Variants in ABCA1 observed in about 807,000 individuals in gnomAD.
The protein encoded by ABCA1 is ATP binding cassette subfamily A member 1, also known as phospholipid-transporting ATPase ABCA1.
In ABCA1, 133 loss-of-function variants were observed where a neutral mutation model predicts 262.5. The ratio of observed to expected loss-of-function variants is 0.51; its 90% CI spans 0.44 to 0.59. The LOEUF (loss-of-function observed/expected upper bound fraction) is 0.59, where lower values mean the gene tolerates loss of function less well. Among genes scored for constraint, ABCA1 ranks in the 20% least tolerant of loss-of-function variants. The pLI is 0.00. For missense variants in ABCA1, 2,452 were observed against 2,777.5 expected (o/e 0.88, Z 2.63); for synonymous variants, 1,022 against 1,043.5 (o/e 0.98, Z 0.40).
intron 2 of ABCA1, among the ~76,000 whole-genome samples, chr9:104,891,131 T>G (rs1839702396): frequency 6.6e-6 from 1 of 152,248 alleles, no homozygotes; most frequent in South Asian, 2.1e-4. Context: ...ATTGAACCTT[T>G]CTGCTAGGTG....
At chr9:104,862,669 C>CAGGGCAGGGCAGGGCA (rs1836651225) in intron 5 of ABCA1, among the ~76,000 whole-genome samples, 5 of 9,812 alleles carry the variant, frequency 5.1e-4, no homozygotes, top group African/African-American at 2.0e-3. Context: ...CGGGCCGGGC[C>CAGGGCAGGGCAGGGCA]GGGCCGGGCC....
chr9:104,924,033 C>A (rs1192833366), intron 1 of ABCA1, among the ~76,000 whole-genome samples: 1 of 152,128 alleles, frequency 6.6e-6, no homozygotes, highest in Non-Finnish European at 1.5e-5. Flanking sequence ...CAGAGCAAGA[C>A]CCTATCTCAA....
chr9:104,823,788 A>C (rs971715839), intron 18 of ABCA1, among the ~76,000 whole-genome samples: 1 of 152,166 alleles, frequency 6.6e-6, no homozygotes, highest in Admixed American at 6.5e-5. Flanking sequence ...AGGTGTAAAG[A>C]GGAGGTAGGA....
intron 6 of ABCA1, among the ~76,000 whole-genome samples, chr9:104,861,096 C>G (rs1275755268): frequency 6.6e-6 from 1 of 152,084 alleles, no homozygotes; most frequent in Non-Finnish European, 1.5e-5. Context: ...TGACACTAGT[C>G]CGTTCATTTC....
intron 20 of ABCA1, 96 bp downstream of exon 20, chr9:104,821,268 AAACAAAAACAC>A: frequency 6.7e-7 from 1 of 1,496,732 alleles, no homozygotes; most frequent in Non-Finnish European, 9.0e-7. Flanking sequence ...AAAAAAGAAA[AAACAAAAACAC>A]AGCAAAGTAA....
Position 104,798,429 on chromosome 9 carries a change from A to T in ABCA1, c.5113T>A (p.Trp1705Arg), listed in dbSNP as rs1447234040. 6.2e-7 allele frequency: 1 copy of T among 1,614,188 alleles called. No homozygotes were observed. The change falls in exon 37 of 50, where the codon TGG (tryptophan) becomes AGG (arginine). Residue 1705 changes from tryptophan to arginine, a missense_variant. Physicochemically the swap from Trp to Arg is moderately radical, Grantham distance 101. Transcript: ENST00000374736. ...PVIYWLSNFV[W>R]DMCNYVVPAT... ...CAGGCCTGTGTCCTTACCATATCCCAGACAAAATTAGAGAGCCAGTAGATG... is the reference window on the plus strand; with the variant it reads ...CAGGCCTGTGTCCTTACCATATCCCTGACAAAATTAGAGAGCCAGTAGATG...
intron 11 of ABCA1, among the ~76,000 whole-genome samples, 167 bp from the exon 12 acceptor site, chr9:104,832,938 G>GA (rs200661885): frequency 8.6e-5 from 13 of 150,516 alleles, no homozygotes; most frequent in East Asian, 3.9e-4. Context: ...TGAGGCTGAA[G>GA]AAAAAAAAAC....
intron 7 of ABCA1, chr9:104,855,657 T>A: frequency 6.8e-7 from 1 of 1,463,522 alleles, no homozygotes; most frequent in Non-Finnish European, 9.0e-7. Flanking sequence ...CAACAAAGAG[T>A]CAAATATATT....
chr9:104,786,673 A>G (rs140369656), intron 47 of ABCA1, among the ~76,000 whole-genome samples, 200 bp downstream of exon 47: 15 of 152,338 alleles, frequency 9.8e-5, no homozygotes, highest in African/African-American at 3.4e-4. Context: ...ACTTGGAATA[A>G]TGTTTACAAT....
intron 2 of ABCA1, among the ~76,000 whole-genome samples, chr9:104,894,051 G>A (rs776261193): frequency 2.3e-4 from 35 of 152,120 alleles, no homozygotes; most frequent in African/African-American, 7.2e-4. Flanking sequence ...AACAAGTTAC[G>A]AGCCATAAGA....
chr9:104,877,765 C>T (rs1381470608), intron 5 of ABCA1, among the ~76,000 whole-genome samples: 1 of 152,182 alleles, frequency 6.6e-6, no homozygotes, highest in Non-Finnish European at 1.5e-5. Flanking sequence ...AACACATGCC[C>T]AAAGTTCACA....
chr9:104,874,331 G>A (rs1588471477), intron 5 of ABCA1, among the ~76,000 whole-genome samples: 1 of 152,248 alleles, frequency 6.6e-6, no homozygotes, highest in South Asian at 2.1e-4. Flanking sequence ...GTTCAACATG[G>A]CAAACATGGT....
chr9:104,874,160 G>C (rs1015531411), intron 5 of ABCA1, among the ~76,000 whole-genome samples: 3 of 152,208 alleles, frequency 2.0e-5, no homozygotes, highest in Admixed American at 1.3e-4. Context: ...GACAGCCAGA[G>C]AGGCATGACC....
At chr9:104,820,950 G>T (rs1244072668) in intron 20 of ABCA1, among the ~76,000 whole-genome samples, 2 of 152,194 alleles carry the variant, frequency 1.3e-5, no homozygotes, top group Non-Finnish European at 2.9e-5. Context: ...CATATTCAAA[G>T]AAAGTAAAAT....
At position 104,831,361 on chromosome 9, in the gene ABCA1, G is replaced by A. The variant is rs368079161; in HGVS notation, c.1716-260C>T. ...GCCTCCCGAGTAGCTGGGATTACAG[G>A]TGCCTGCCACCAAAATTCCTGGAAT... On this transcript the variant is annotated intron_variant, in intron 13 of 49. Coordinates refer to ENST00000374736, the MANE Select transcript of ABCA1 (RefSeq NM_005502.4). Among the ~76,000 whole-genome samples, 7 of 151,802 alleles carry A rather than the reference G, an allele frequency of 4.6e-5. No individual in the cohort carries two copies. The East Asian group carries it at 1.2e-3, about 25-fold the overall frequency.
intron 34 of ABCA1, among the ~76,000 whole-genome samples, chr9:104,801,622 A>T (rs1050635272): frequency 6.6e-6 from 1 of 150,854 alleles, no homozygotes; most frequent in African/African-American, 2.4e-5. Context: ...GCTCACTACA[A>T]CCTCTTCCTA....
rs1831552612 is a variant in ABCA1, at chr9:104,814,467, G to A, written c.3747C>T (p.Leu1249=). Reference sequence around the variant, plus strand: ...CCACCCCACTCTCTTCGGCCACCTTGAGGAATATCTGGAAAATGAGAGAGA... The same window carrying A: ...CCACCCCACTCTCTTCGGCCACCTTAAGGAATATCTGGAAAATGAGAGAGA... ...ISETTLEEIF[L]KVAEESGVDA... Residue 1249 remains leucine (L), a synonymous_variant, in exon 26 of 50, where the codon CTC becomes CTT. Transcript: ENST00000374736. 3 of 1,614,156 alleles carry A rather than the reference G, an allele frequency of 1.9e-6. No homozygotes were observed. Among genetic ancestry groups the A allele is most frequent in the South Asian group, 2.2e-5 (2 of 91,078 alleles).
At chr9:104,795,582 A>G (rs1829825750) in intron 39 of ABCA1, among the ~76,000 whole-genome samples, 1 of 152,188 alleles carries the variant, frequency 6.6e-6, no homozygotes, top group Non-Finnish European at 1.5e-5. Flanking sequence ...AAACTAGGAC[A>G]TATCCAGGTT....
intron 14 of ABCA1, among the ~76,000 whole-genome samples, chr9:104,830,012 A>G (rs1833136215): frequency 6.6e-6 from 1 of 151,844 alleles, no homozygotes; most frequent in African/African-American, 2.4e-5. Flanking sequence ...CACAGAGAAT[A>G]AGAGAATTTC....
Sources: allele counts gnomAD v4.1 joint callset (sites outside exome capture counted in the v4.1 genomes callset), GRCh38; gene constraint gnomAD v4.1.1; transcripts MANE v1.5; gene names NCBI Gene and HGNC (gene_info 2026-07-23, HGNC 2026-07-21).